TENM4: variants seen among roughly 807,000 people sequenced by gnomAD.
The protein encoded by TENM4 is teneurin-4.
TENM4 carries 82 observed loss-of-function variants against 243.3 expected under a neutral mutation model. The observed-to-expected ratio is 0.34, with a 90% CI of 0.28 to 0.40. The LOEUF (loss-of-function observed/expected upper bound fraction) is 0.40. Ranked by LOEUF, TENM4 falls within the 10% of genes least tolerant of loss-of-function variation. The pLI, the probability that TENM4 is intolerant of heterozygous loss-of-function variation, is 1.00. For synonymous variants in TENM4, 1,412 were observed against 1,456.3 expected (o/e 0.97, Z 0.69); for missense variants, 3,138 against 3,673.3 (o/e 0.85, Z 3.77).
At chr11:79,059,325 C>T in intron 6 of TENM4, among the ~76,000 whole-genome samples, 1 of 152,182 alleles carries the variant, frequency 6.6e-6, no homozygotes, top group East Asian at 1.9e-4. Flanking sequence ...ATGCCTCTCT[C>T]AGATCCCTCA....
At chr11:78,897,227 T>C (rs1376492235) in intron 7 of TENM4, among the ~76,000 whole-genome samples, 1 of 152,148 alleles carries the variant, frequency 6.6e-6, no homozygotes, top group Non-Finnish European at 1.5e-5. Context: ...ATGAAGTGCG[T>C]CCTGTGTGAC....
intron 25 of TENM4, among the ~76,000 whole-genome samples, chr11:78,713,985 T>C (rs1180091960): frequency 2.6e-5 from 4 of 152,136 alleles, no homozygotes; most frequent in African/African-American, 9.7e-5. Context: ...GGAAGGTATT[T>C]TGATTCAAAG....
intron 2 of TENM4, among the ~76,000 whole-genome samples, chr11:79,269,182 T>C (rs1565276594): frequency 6.6e-6 from 1 of 152,248 alleles, no homozygotes; most frequent in African/African-American, 2.4e-5. Flanking sequence ...TACATGAACA[T>C]GCTGTTCAAA....
chr11:79,378,093 A>T (rs1170193203), intron 1 of TENM4, among the ~76,000 whole-genome samples: 5 of 152,212 alleles, frequency 3.3e-5, no homozygotes, highest in Non-Finnish European at 7.3e-5. Flanking sequence ...TTTTTATTTT[A>T]AAAAAAGGCA....
intron 20 of TENM4, 97 bp from the exon 21 acceptor site, chr11:78,732,674 C>T (rs1456448958): frequency 8.8e-6 from 12 of 1,369,798 alleles, no homozygotes; most frequent in Non-Finnish European, 1.2e-5. Context: ...AAAATTACAC[C>T]AAAGGGTCTC....
intron 2 of TENM4, among the ~76,000 whole-genome samples, chr11:79,217,743 T>C (rs1367097531): frequency 2.0e-5 from 3 of 151,650 alleles, no homozygotes; most frequent in South Asian, 4.2e-4. Flanking sequence ...TTTTTTGAGA[T>C]GAGGATTTTG....
intron 6 of TENM4, among the ~76,000 whole-genome samples, chr11:79,058,241 C>T (rs1408398779): frequency 2.6e-5 from 4 of 152,090 alleles, no homozygotes; most frequent in African/African-American, 7.2e-5. Context: ...CTGTAGAACA[C>T]GGTGGTCAAG....
intron 2 of TENM4, among the ~76,000 whole-genome samples, chr11:79,263,619 A>C (rs1380268200): frequency 6.6e-6 from 1 of 152,068 alleles, no homozygotes; most frequent in Non-Finnish European, 1.5e-5. Context: ...TCTGCTGAGA[A>C]CTCCTTCACA....
At chr11:78,841,009 T>C (rs1324955317) in intron 12 of TENM4, among the ~76,000 whole-genome samples, 1 of 152,238 alleles carries the variant, frequency 6.6e-6, no homozygotes, top group African/African-American at 2.4e-5. Flanking sequence ...ACACTTAGCA[T>C]GCTCCTGGGA....
At chr11:78,990,669 C>A (rs751639670) in intron 6 of TENM4, among the ~76,000 whole-genome samples, 8 of 152,128 alleles carry the variant, frequency 5.3e-5, no homozygotes, top group Non-Finnish European at 1.5e-5. Flanking sequence ...TATAGAAATT[C>A]CTAGAAAGAT....
At chr11:79,270,393 T>C (rs896547868) in intron 2 of TENM4, among the ~76,000 whole-genome samples, 2 of 152,230 alleles carry the variant, frequency 1.3e-5, no homozygotes, top group Admixed American at 6.5e-5. Context: ...ATGTGAATTA[T>C]ATTCAAACAA....
At chr11:79,203,318 A>G (rs979095724) in intron 3 of TENM4, among the ~76,000 whole-genome samples, 3 of 152,246 alleles carry the variant, frequency 2.0e-5, no homozygotes, top group Non-Finnish European at 4.4e-5. Flanking sequence ...ACAAGTGTTT[A>G]TAGCAACATT....
At chr11:79,314,207 G>A (rs1856767478) in intron 1 of TENM4, among the ~76,000 whole-genome samples, 1 of 152,158 alleles carries the variant, frequency 6.6e-6, no homozygotes, top group South Asian at 2.1e-4. Flanking sequence ...GAATGATAAT[G>A]CCTGCCTCGT....
At chr11:79,239,253 G>A (rs1864543111) in intron 2 of TENM4, among the ~76,000 whole-genome samples, 1 of 152,144 alleles carries the variant, frequency 6.6e-6, no homozygotes, top group Non-Finnish European at 1.5e-5. Context: ...GTCTTGAAAA[G>A]TCCTACTGAA....
At chr11:79,282,197 C>A (rs535624450) in intron 2 of TENM4, among the ~76,000 whole-genome samples, 10 of 152,342 alleles carry the variant, frequency 6.6e-5, no homozygotes, top group African/African-American at 2.4e-4. Flanking sequence ...CCTTTCTCTA[C>A]ATTTCTGTGG....
At chr11:79,388,656 T>C (rs956079443) in intron 1 of TENM4, among the ~76,000 whole-genome samples, 4 of 152,344 alleles carry the variant, frequency 2.6e-5, no homozygotes, top group African/African-American at 7.2e-5. Flanking sequence ...AAATGTTTAC[T>C]GAGCACCACT....
At chr11:79,386,666 A>G (rs1313656391) in intron 1 of TENM4, among the ~76,000 whole-genome samples, 1 of 152,208 alleles carries the variant, frequency 6.6e-6, no homozygotes, top group Non-Finnish European at 1.5e-5. Flanking sequence ...TTCAGTAGAT[A>G]CTAGGGAAGT....
intron 6 of TENM4, among the ~76,000 whole-genome samples, chr11:78,984,688 C>T (rs770914882): frequency 3.9e-5 from 6 of 152,186 alleles, no homozygotes; most frequent in Non-Finnish European, 8.8e-5. Context: ...GCTGCTGCTA[C>T]GCTACCTCTA....
chr11:79,348,252 C>A (rs769688721), intron 1 of TENM4, among the ~76,000 whole-genome samples: 1 of 152,160 alleles, frequency 6.6e-6, no homozygotes, highest in African/African-American at 2.4e-5. Context: ...TATAAGGCTA[C>A]ACCGAGGATA....
Sources: allele counts gnomAD v4.1 joint callset (sites outside exome capture counted in the v4.1 genomes callset), GRCh38; gene constraint gnomAD v4.1.1; transcripts MANE v1.5; gene names NCBI Gene and HGNC (gene_info 2026-07-23, HGNC 2026-07-21).